VSIG1: variants seen among roughly 807,000 people sequenced by gnomAD.
VSIG1 encodes the protein V-set and immunoglobulin domain-containing protein 1.
In VSIG1, 11 loss-of-function variants were observed where a neutral mutation model predicts 20.1. That is an observed-to-expected ratio of 0.55 (90% CI 0.34 to 0.91). The LOEUF is 0.91. Among genes scored for constraint, VSIG1 ranks in the 40% least tolerant of loss-of-function variants. VSIG1 has a pLI of 0.02. For missense variants in VSIG1, 283 were observed against 298.8 expected, an observed-to-expected ratio of 0.95 and a Z score of 0.39; for synonymous variants, 126 against 116.7, an observed-to-expected ratio of 1.08 and a Z score of -0.52.
At position 108,076,901 on chromosome X, in the gene VSIG1, C is replaced by A. The variant is rs781210349; in HGVS notation, c.831-147C>A. ...TTCTGAATCCAAAATGACCTATGGC[C>A]TGACAATGAGTCAGAATATCAGAAA... On this transcript the variant is annotated intron_variant, in intron 6 of 6. Coordinates refer to ENST00000217957, the MANE Select transcript of VSIG1 (RefSeq NM_182607.5). 2.8e-5 allele frequency: 16 copies of A among 577,633 alleles called. 1 individual carries two copies. The highest frequency in any genetic ancestry group is 4.3e-5 in the Non-Finnish European group (16 of 370,731). 47.6% of individuals were successfully genotyped at this position (577,633 alleles called of 1,213,427 possible). A position where few individuals can be genotyped will look rare whatever the true frequency, so the allele number is the denominator to read the frequency against.
At chrX:108,066,622 G>T (rs1386369319) in intron 2 of VSIG1, among the ~76,000 whole-genome samples, 1 of 111,718 alleles carries the variant, frequency 9.0e-6, no homozygotes, top group Admixed American at 9.5e-5. Context: ...GATTCATTAA[G>T]TGAGCATCTT....
chrX:108,039,591 T>C, the VSIG1 span, among the ~76,000 whole-genome samples: 1 of 111,531 alleles, frequency 9.0e-6, no homozygotes, highest in Non-Finnish European at 1.9e-5. Context: ...ATTAAAAGAA[T>C]CTTTTTGCCT....
At chrX:108,072,395 G>A (rs1202398373) in intron 3 of VSIG1, among the ~76,000 whole-genome samples, 1 of 110,362 alleles carries the variant, frequency 9.1e-6, no homozygotes. Flanking sequence ...TGGGATTACA[G>A]GCGCCCACCA....
chrX:108,069,181 T>A (rs1409376261), intron 3 of VSIG1, among the ~76,000 whole-genome samples: 1 of 111,017 alleles, frequency 9.0e-6, no homozygotes, highest in Non-Finnish European at 1.9e-5. Context: ...GCTCAGAGGA[T>A]CCCAAATCAA....
chrX:108,030,970 A>G, the VSIG1 span, among the ~76,000 whole-genome samples: 3 of 112,499 alleles, frequency 2.7e-5, no homozygotes, highest in Admixed American at 2.8e-4. Context: ...AGTCTGTTTT[A>G]ATTCTTTTAC....
rs149810787 is a variant in VSIG1, at chrX:108,058,093, T to C, written c.105T>C (p.Val35=). The C allele has an allele frequency of 6.7e-5, 81 of 1,208,727 alleles. No homozygotes were observed. The African/African-American group carries it at 1.2e-3, about 18-fold the overall frequency. ...TIPDGFVNVT[V]GSNVTLICIY... ...CAGACGGTTTCGTGAACGTGACTGTTGGATCTAATGTCACTCTCATCTGCA... is the reference window on the plus strand; with the variant it reads ...CAGACGGTTTCGTGAACGTGACTGTCGGATCTAATGTCACTCTCATCTGCA... Residue 35 remains valine (V), a synonymous_variant, in exon 2 of 7, where the codon GTT becomes GTC. Coordinates refer to ENST00000217957, the MANE Select transcript of VSIG1 (RefSeq NM_182607.5).
At chrX:108,032,129 T>C in the VSIG1 span, among the ~76,000 whole-genome samples, 1 of 112,484 alleles carries the variant, frequency 8.9e-6, no homozygotes, top group Non-Finnish European at 1.9e-5. Context: ...CCTTCACCAA[T>C]TTCTTCTTGT....
intron 5 of VSIG1, 122 bp from the exon 6 acceptor site, chrX:108,075,955 C>T: frequency 1.1e-6 from 1 of 882,231 alleles, no homozygotes; most frequent in Non-Finnish European, 1.6e-6. Flanking sequence ...TTCCATTTCC[C>T]TAGCCTATAC....
intron 1 of VSIG1, among the ~76,000 whole-genome samples, chrX:108,048,552 T>C (rs1314375114): frequency 8.9e-6 from 1 of 112,415 alleles, no homozygotes; most frequent in Non-Finnish European, 1.9e-5. Context: ...GATACTAATC[T>C]TTACTTTGCT....
intron 2 of VSIG1, among the ~76,000 whole-genome samples, chrX:108,062,108 G>A (rs765632627): frequency 1.8e-5 from 2 of 110,912 alleles, no homozygotes; most frequent in South Asian, 3.9e-4. Context: ...TGCCTTTCTG[G>A]TCACACAGAT....
the VSIG1 span, among the ~76,000 whole-genome samples, chrX:108,018,879 A>G: frequency 2.7e-5 from 3 of 111,682 alleles, no homozygotes; most frequent in African/African-American, 9.8e-5. Flanking sequence ...GATGACAGGT[A>G]AGCTAGTCTT....
chrX:108,028,597 T>G, the VSIG1 span, among the ~76,000 whole-genome samples: 1 of 110,499 alleles, frequency 9.0e-6, no homozygotes, highest in Non-Finnish European at 1.9e-5. Flanking sequence ...AGTGGGTGCA[T>G]AGGAGTTGAG....
At chrX:108,045,990 C>T (rs1007627517) in intron 1 of VSIG1, among the ~76,000 whole-genome samples, 4 of 110,861 alleles carry the variant, frequency 3.6e-5, no homozygotes, top group Admixed American at 2.9e-4. Context: ...AAAATACCCA[C>T]GATAAAATAT....
At chrX:108,070,644 CT>C (rs989372428) in intron 3 of VSIG1, among the ~76,000 whole-genome samples, 4 of 111,972 alleles carry the variant, frequency 3.6e-5, no homozygotes, top group African/African-American at 1.3e-4. Flanking sequence ...CAATAGCCAT[CT>C]TTTTAAAAAG....
In VSIG1 at chrX:108,058,066, C is replaced by T. The variant is rs777197302; in HGVS notation, c.78C>T (p.Ile26=). Reference sequence around the variant, plus strand: ...AGGTTAGTGTGGTGCAAGTGACCATCCCAGACGGTTTCGTGAACGTGACTG... The same window carrying T: ...AGGTTAGTGTGGTGCAAGTGACCATTCCAGACGGTTTCGTGAACGTGACTG... The part of the protein sequence containing the change: ...AGQVSVVQVT[I]PDGFVNVTVG... Residue 26 remains isoleucine (I), a synonymous_variant, in exon 2 of 7, where the codon ATC becomes ATT. Coordinates refer to ENST00000217957, the MANE Select transcript of VSIG1 (RefSeq NM_182607.5). 14 of 1,208,259 alleles carry T rather than the reference C, an allele frequency of 1.2e-5. No homozygotes were observed. The highest frequency in any genetic ancestry group is 2.2e-5 in the Admixed American group (1 of 45,594).
At chrX:108,076,744 G>A (rs920286827) in intron 6 of VSIG1, among the ~76,000 whole-genome samples, 4 of 111,456 alleles carry the variant, frequency 3.6e-5, no homozygotes, top group Non-Finnish European at 7.5e-5. Flanking sequence ...GAGAAATAGC[G>A]ATACATCAGA....
intron 6 of VSIG1, among the ~76,000 whole-genome samples, chrX:108,076,699 A>G (rs1367113094): frequency 9.0e-6 from 1 of 111,092 alleles, no homozygotes; most frequent in African/African-American, 3.3e-5. Flanking sequence ...TCTATTGGGT[A>G]TCAACCAGGT....
rs374004501 is a variant in VSIG1 at position 108,073,316 on chromosome X, C to T, written c.635C>T (p.Thr212Ile). The T allele has an allele frequency of 8.3e-7, 1 of 1,210,411 alleles. No individual in the cohort carries two copies. Among genetic ancestry groups the T allele is most frequent in the South Asian group, 1.8e-5 (1 of 56,816 alleles). ...TNFEQGYYQCTAINRLGNSSC... is the reference protein window; with the variant it reads ...TNFEQGYYQCIAINRLGNSSC... ...TTTGAACAAGGTTATTACCAGTGTACTGCCATCAACAGACTTGGCAATAGT... is the reference window on the plus strand; with the variant it reads ...TTTGAACAAGGTTATTACCAGTGTATTGCCATCAACAGACTTGGCAATAGT... Residue 212 changes from threonine (T) to isoleucine (I), a missense_variant, in exon 5 of 7, where the codon ACT becomes ATT. Physicochemically the swap from Thr to Ile is moderately conservative, Grantham distance 89. Coordinates refer to ENST00000217957, the MANE Select transcript of VSIG1 (RefSeq NM_182607.5).
Position 108,045,963 on chromosome X carries a change from C to T in VSIG1, c.49+784C>T, listed in dbSNP as rs149734798. On this transcript the variant is annotated intron_variant, in intron 1 of 6. Coordinates refer to ENST00000217957, the MANE Select transcript of VSIG1 (RefSeq NM_182607.5). ...AGTGGTTAGAATGAGGTTTACTAGG[C>T]GTATTAATGACATAAGAAAATACCC... Among the ~76,000 whole-genome samples the T allele has an allele frequency of 4.6e-3, 508 of 111,122 alleles. 10 individuals carry two copies. Among genetic ancestry groups the T allele is most frequent in the African/African-American group, 0.016 (476 of 30,575 alleles).
Sources: gnomAD v4.1 joint callset for allele counts (sites outside exome capture counted in the v4.1 genomes callset) on GRCh38, gnomAD v4.1.1 for gene constraint, MANE v1.5 for transcripts, NCBI Gene and HGNC (gene_info 2026-07-23, HGNC 2026-07-21) for gene names.